USP11: variants seen among roughly 807,000 people sequenced by gnomAD.
USP11 encodes ubiquitin specific peptidase 11.
Under a neutral mutation model 72.8 loss-of-function variants are expected in USP11, and 5 were observed. That is an observed-to-expected ratio of 0.07 (90% confidence interval 0.04 to 0.14). USP11 has a LOEUF of 0.14. Among genes scored for constraint, USP11 ranks in the 10% least tolerant of loss-of-function variants. The pLI, the probability that USP11 is intolerant of heterozygous loss-of-function variation, is 1.00. For synonymous variants in USP11, 368 were observed against 326.5 expected, an observed-to-expected ratio of 1.13 and a Z score of -1.37; for missense variants, 480 against 794.7, an observed-to-expected ratio of 0.60 and a Z score of 4.76.
chrX:47,247,858 C>G lies in USP11; in HGVS notation c.2691C>G (p.Ala897=). 2 of 1,207,421 alleles carry G rather than the reference C, an allele frequency of 1.7e-6. No individual in the cohort carries two copies. The highest frequency in any genetic ancestry group is 2.2e-6 in the Non-Finnish European group (2 of 894,380). ...TGGCGCGACGCCTGCTGTCCCCGGC[C>G]GGCTCATCTGGCGCCCCAGCCTCCC... The part of the protein sequence containing the change: ...QDVARRLLSP[A]GSSGAPASPA... The change falls in exon 21 of 21, where the codon GCC becomes GCG. Residue 897 remains alanine, a synonymous_variant. Transcript: ENST00000377107.
At chrX:47,239,593 C>CT in intron 3 of USP11, 112 bp downstream of exon 3, 1 of 1,083,685 alleles carries the variant, frequency 9.2e-7, no homozygotes, top group Non-Finnish European at 1.2e-6. Context: ...TGTCTGCTCT[C>CT]TTCCCCCTCC....
Position 47,247,066 on chromosome X carries a change from C to T in USP11, c.2271-6C>T. The T allele has an allele frequency of 3.3e-6, 4 of 1,207,552 alleles. No homozygotes were observed. Among genetic ancestry groups the T allele is most frequent in the South Asian group, 1.8e-5 (1 of 56,375 alleles). On this transcript the variant is annotated splice_region_variant and splice_polypyrimidine_tract_variant and intron_variant, in intron 17 of 20. Coordinates refer to ENST00000377107, the MANE Select transcript of USP11 (RefSeq NM_001371072.1). ...GTCCGTTTGCTGACTCGGGCTCTGT[C>T]TGTAGGTACTGCCCTTCCTGCAAGC...
chrX:47,241,799 T>G, intron 9 of USP11, 100 bp downstream of exon 9: 2 of 1,010,903 alleles, frequency 2.0e-6, no homozygotes, highest in Non-Finnish European at 2.6e-6. Context: ...CACCATTTTC[T>G]GTTAAGTTTC....
chrX:47,248,215 G>C lies in USP11; in HGVS notation c.*285G>C, dbSNP rs1045285230. The stretch of plus-strand genomic sequence containing the variant: ...TGCCCTTCCCTCTCCTCAGCCCAGA[G>C]TGTTCTGCGTGGGTGGTGATGGGGG... On this transcript the variant is annotated 3_prime_UTR_variant, in exon 21 of 21. Coordinates refer to ENST00000377107, the MANE Select transcript of USP11 (RefSeq NM_001371072.1). The C allele has an allele frequency of 6.2e-6, 2 of 323,186 alleles. No individual in the cohort carries two copies. The highest frequency in any genetic ancestry group is 5.4e-5 in the African/African-American group (2 of 36,734). The allele number at this position is 323,186 out of a possible 1,213,427, so 26.6% of individuals were successfully genotyped here.
At chrX:47,246,640 G>C (rs1042151891) in intron 17 of USP11, among the ~76,000 whole-genome samples, 2 of 111,053 alleles carry the variant, frequency 1.8e-5, no homozygotes, top group Non-Finnish European at 3.8e-5. Flanking sequence ...TAGAATACTA[G>C]ATGGGCTAAT....
At chrX:47,238,004 G>A (rs1391891150) in intron 1 of USP11, among the ~76,000 whole-genome samples, 2 of 111,003 alleles carry the variant, frequency 1.8e-5, no homozygotes, top group African/African-American at 3.3e-5. Flanking sequence ...TATCCTTGTA[G>A]TACATATAAG....
In USP11 at chrX:47,243,889, G is replaced by T. The variant is rs756862128; in HGVS notation, c.1790+287G>T. Among the ~76,000 whole-genome samples the T allele has an allele frequency of 4.5e-5, 5 of 111,204 alleles. No homozygotes were observed. In the South Asian group the frequency reaches 1.5e-3, roughly 34 times the overall value. ...TGTTGTCCCTCCTGGGAGAGTCTTG[G>T]TTTTTTTGTCTTTTTGCTGACAAAT... On this transcript the variant is annotated intron_variant, in intron 13 of 20. Coordinates refer to ENST00000377107, the MANE Select transcript of USP11 (RefSeq NM_001371072.1).
intron 1 of USP11, among the ~76,000 whole-genome samples, chrX:47,234,151 A>G (rs184519715): frequency 1.6e-4 from 18 of 111,696 alleles, no homozygotes; most frequent in African/African-American, 9.8e-5. Context: ...TAAAAAGATT[A>G]TATAAAACAT....
rs937125235 is a variant in USP11, at chrX:47,248,253, C to T, written c.*323C>T. On this transcript the variant is annotated 3_prime_UTR_variant, in exon 21 of 21. Transcript: ENST00000377107. ...GTGGTGATGGGGGTTCACCTGAACACAGAGTGTATTTTCTTATTGAGGCCC... is the reference window on the plus strand; with the variant it reads ...GTGGTGATGGGGGTTCACCTGAACATAGAGTGTATTTTCTTATTGAGGCCC... 5.0e-5 allele frequency: 13 copies of T among 260,767 alleles called. No homozygotes were observed. The highest frequency in any genetic ancestry group is 2.0e-4 in the African/African-American group (7 of 34,718). The allele number at this position is 260,767 out of a possible 1,213,427, so 21.5% of individuals were successfully genotyped here.
Position 47,240,325 on chromosome X carries a change from C to T in USP11, c.556C>T (p.Arg186Trp). Residue 186 changes from arginine to tryptophan, a missense_variant, in exon 5 of 21, where the codon CGG becomes TGG. Arg to Trp is a moderately radical substitution (Grantham distance 101). Around this residue, in one of 5 missense-constraint regions of USP11, gnomAD observed 80 missense variants for 100.9 expected, o/e 0.79. Coordinates refer to ENST00000377107, the MANE Select transcript of USP11 (RefSeq NM_001371072.1). ...DSIGLVLRTA[R>W]ERFLVEPQED... ...CACAGGCCTAGTATTGCGCACAGCT[C>T]GGGAGCGGTTTCTGGTGGAGCCCCA... is the stretch of plus-strand genomic sequence containing the variant. 2 of 1,210,971 alleles carry T rather than the reference C, an allele frequency of 1.7e-6. No individual in the cohort carries two copies. The highest frequency in any genetic ancestry group is 2.2e-6 in the Non-Finnish European group (2 of 895,114).
At chrX:47,239,043 C>T in intron 1 of USP11, 27 bp from the exon 2 acceptor site, 1 of 1,160,901 alleles carries the variant, frequency 8.6e-7, no homozygotes, top group African/African-American at 1.8e-5. Flanking sequence ...ACCCATGTAA[C>T]ACCCTTGTTA....
At chrX:47,233,678 C>A (rs918835701) in intron 1 of USP11, 14 of 408,313 alleles carry the variant, frequency 3.4e-5, no homozygotes, top group Non-Finnish European at 4.3e-5. Flanking sequence ...TGGAGCCGAA[C>A]GGTCCGAGGG....
intron 15 of USP11, 22 bp downstream of exon 15, chrX:47,244,946 G>A (rs755811482): frequency 8.3e-6 from 10 of 1,209,007 alleles, no homozygotes; most frequent in African/African-American, 7.0e-5. Context: ...GGCTATCAGC[G>A]AGGGCTGGGG....
At chrX:47,236,845 A>G (rs934670886) in intron 1 of USP11, among the ~76,000 whole-genome samples, 7 of 112,187 alleles carry the variant, frequency 6.2e-5, no homozygotes, top group African/African-American at 2.3e-4. Flanking sequence ...AGCTGTAAAT[A>G]TAATAATTTG....
chrX:47,242,141 C>T lies in USP11; in HGVS notation c.1239C>T (p.Asp413=), dbSNP rs1182064861. 4 of 1,211,521 alleles carry T rather than the reference C, an allele frequency of 3.3e-6. No homozygotes were observed. The highest frequency in any genetic ancestry group is 4.5e-6 in the Non-Finnish European group (4 of 895,287). ...GGCGGAACGATTCTGTGATCGTGGA[C>T]ACTTTCCACGGCCTCTTCAAGTCCA... The part of the protein sequence containing the change: ...HKRRNDSVIV[D]TFHGLFKSTL... Residue 413 remains aspartate, a synonymous_variant, in exon 10 of 21, where the codon GAC becomes GAT. Coordinates refer to ENST00000377107, the MANE Select transcript of USP11 (RefSeq NM_001371072.1).
chrX:47,243,737 T>A lies in USP11; in HGVS notation c.1790+135T>A, dbSNP rs1257403200. On this transcript the variant is annotated intron_variant, in intron 13 of 20. Transcript: ENST00000377107. ...CTTAACATGGCCATAGAAGAACTTG[T>A]AGGGTTTTTTCTTTCTCTAGACCTC... is the stretch of plus-strand genomic sequence containing the variant. 1.8e-5 allele frequency: 12 copies of A among 648,951 alleles called. No homozygotes were observed. The East Asian group carries it at 3.9e-4, about 21-fold the overall frequency. 53.5% of individuals were successfully genotyped at this position (648,951 alleles called of 1,213,427 possible). A position where few individuals can be genotyped will look rare whatever the true frequency, so the allele number is the denominator to read the frequency against.
intron 1 of USP11, among the ~76,000 whole-genome samples, chrX:47,237,052 T>C (rs1475740585): frequency 1.8e-5 from 2 of 112,360 alleles, no homozygotes; most frequent in Non-Finnish European, 3.8e-5. Context: ...AAGTTCAGCC[T>C]GTGACCAGGT....
chrX:47,239,383 G>A lies in USP11; in HGVS notation c.319G>A (p.Val107Met). 8.3e-7 allele frequency: 1 copy of A among 1,211,548 alleles called. No individual in the cohort carries two copies. Among genetic ancestry groups the A allele is most frequent in the South Asian group, 1.8e-5 (1 of 56,811 alleles). ...EINWRLKEGL[V>M]EGEDYVLLPA... The stretch of plus-strand genomic sequence containing the variant: ...AAACTGGCGCCTCAAGGAGGGACTG[G>A]TGGAAGGCGAGGATTATGTGCTGCT... The change falls in exon 3 of 21, where the codon GTG becomes ATG. Residue 107 changes from valine (V) to methionine (M), a missense_variant. Physicochemically the swap from Val to Met is conservative, Grantham distance 21 (BLOSUM62 1). Coordinates refer to ENST00000377107, the MANE Select transcript of USP11 (RefSeq NM_001371072.1).
At position 47,239,799 on chromosome X, in the gene USP11, C is replaced by T. The variant is rs1201169481; in HGVS notation, c.427C>T (p.Leu143=). 8.3e-7 allele frequency: 1 copy of T among 1,209,789 alleles called. No homozygotes were observed. Among genetic ancestry groups the T allele is most frequent in the Non-Finnish European group, 1.1e-6 (1 of 894,913 alleles). The change falls in exon 4 of 21, where the codon CTG becomes TTG. Residue 143 remains leucine (L), a synonymous_variant. Coordinates refer to ENST00000377107, the MANE Select transcript of USP11 (RefSeq NM_001371072.1). ...QPPIERKVIE[L]PNIQKVEVYP... is the part of the protein sequence containing the mutation. ...CCCTCTACTCTTACAGGTCATAGAG[C>T]TGCCCAACATCCAGAAGGTCGAAGT...
Sources: gnomAD v4.1 joint callset for allele counts (sites outside exome capture counted in the v4.1 genomes callset) on GRCh38, gnomAD v4.1.1 for gene constraint, gnomAD v4.1.1 regional missense constraint, MANE v1.5 for transcripts, NCBI Gene and HGNC (gene_info 2026-07-23, HGNC 2026-07-21) for gene names.